LMTK2: variants seen among roughly 807,000 people sequenced by gnomAD.
LMTK2 encodes the protein serine/threonine-protein kinase LMTK2.
In LMTK2, 37 loss-of-function variants were observed where a neutral mutation model predicts 127.5. The ratio of observed to expected loss-of-function variants is 0.29; its 90% CI spans 0.22 to 0.38. The LOEUF (loss-of-function observed/expected upper bound fraction) is 0.38. Ranked by LOEUF, LMTK2 falls within the 10% of genes least tolerant of loss-of-function variation. LMTK2 has a pLI of 1.00. For missense variants in LMTK2, 1,694 were observed against 1,920.3 expected (o/e 0.88, Z 2.20); for synonymous variants, 819 against 810.1 (o/e 1.01, Z -0.19).
chr7:98,203,863 C>T (rs576905030), intron 12 of LMTK2, 81 bp from the exon 13 acceptor site: 2 of 1,587,842 alleles, frequency 1.3e-6, no homozygotes, highest in African/African-American at 2.7e-5. Context: ...TTCCGACCTG[C>T]AGGGCGCACC....
In LMTK2 at chr7:98,192,923, T is replaced by A. The variant is rs1339593751; in HGVS notation, c.2458T>A (p.Phe820Ile). ...SPEVQVPPTSFETEETPRRVP... is the reference protein window; with the variant it reads ...SPEVQVPPTSIETEETPRRVP... ...GGAAGTGCAGGTACCTCCTACCTCC[T>A]TCGAAACAGAAGAAACGCCCCGTCG... Residue 820 changes from phenylalanine (F) to isoleucine (I), a missense_variant, in exon 11 of 14, where the codon TTC (phenylalanine) becomes ATC (isoleucine). By Grantham distance (21) the Phe-to-Ile change is conservative. Transcript: ENST00000297293. 1 of 1,614,138 alleles carries A rather than the reference T, an allele frequency of 6.2e-7. No homozygotes were observed.
intron 7 of LMTK2, among the ~76,000 whole-genome samples, chr7:98,179,094 C>T (rs1284080818): frequency 1.3e-5 from 2 of 152,230 alleles, no homozygotes. Flanking sequence ...TTGCCTTTTC[C>T]CCTGGGAACA....
At chr7:98,197,783 A>G (rs1217295905) in intron 11 of LMTK2, among the ~76,000 whole-genome samples, 1 of 152,226 alleles carries the variant, frequency 6.6e-6, no homozygotes, top group Non-Finnish European at 1.5e-5. Context: ...TTGAGAGTGC[A>G]GTGAGCTATG....
chr7:98,196,968 A>G (rs1481222793), intron 11 of LMTK2, among the ~76,000 whole-genome samples: 10 of 152,230 alleles, frequency 6.6e-5, no homozygotes, highest in Admixed American at 4.6e-4. Flanking sequence ...GTTCAGGCCG[A>G]GGACTGAGGG....
At chr7:98,155,338 T>A (rs1434977298) in intron 5 of LMTK2, among the ~76,000 whole-genome samples, 1 of 152,220 alleles carries the variant, frequency 6.6e-6, no homozygotes, top group Non-Finnish European at 1.5e-5. Flanking sequence ...ATGTCATAGA[T>A]GTCTCAGAAG....
chr7:98,114,538 C>T (rs548233060), intron 1 of LMTK2, among the ~76,000 whole-genome samples: 35 of 152,244 alleles, frequency 2.3e-4, no homozygotes, highest in African/African-American at 8.2e-4. Context: ...AGCCACTGCA[C>T]CTGGGTAGTT....
At chr7:98,163,919 C>T (rs1350584574) in intron 6 of LMTK2, among the ~76,000 whole-genome samples, 3 of 152,234 alleles carry the variant, frequency 2.0e-5, no homozygotes, top group Non-Finnish European at 4.4e-5. Flanking sequence ...GCTATCGCTG[C>T]CTGTCTTAGC....
chr7:98,195,892 A>G (rs1225645346), intron 11 of LMTK2, among the ~76,000 whole-genome samples: 1 of 152,200 alleles, frequency 6.6e-6, no homozygotes, highest in African/African-American at 2.4e-5. Context: ...GTGGATGTTT[A>G]AAAAATGAAA....
rs778003063 is a variant in LMTK2, at chr7:98,193,547, G to A, written c.3082G>A (p.Ala1028Thr). 7 of 1,614,138 alleles carry A rather than the reference G, an allele frequency of 4.3e-6. No homozygotes were observed. In the South Asian group the frequency reaches 7.7e-5, roughly 18 times the overall value. The change falls in exon 11 of 14, where the codon GCA becomes ACA. Residue 1028 changes from alanine (A) to threonine (T), a missense_variant. Physicochemically the swap from Ala to Thr is moderately conservative, Grantham distance 58. Around this residue, in one of 8 missense-constraint regions of LMTK2, gnomAD observed 65 missense variants for 116.5 expected, o/e 0.56. Transcript: ENST00000297293. The surrounding 1 kb of genome is among the most constrained non-coding windows in gnomAD (Gnocchi z 4.1). ...PQKLVPPDKP[A>T]DSGYETENLE... ...GAAACTAGTGCCCCCCGATAAGCCG[G>A]CAGACAGTGGCTACGAAACAGAGAA...
At chr7:98,144,629 A>AT (rs1796743681) in intron 3 of LMTK2, among the ~76,000 whole-genome samples, 1 of 151,726 alleles carries the variant, frequency 6.6e-6, no homozygotes, top group African/African-American at 2.4e-5. Context: ...TAATTTTTTA[A>AT]TTTTTTGTTT....
chr7:98,190,855 G>A lies in LMTK2; in HGVS notation c.1126G>A (p.Glu376Lys). ...CACAAAACTCCCGAAGCCCCAGCTG[G>A]AGCAGCCCTACTCTGATAGATGGTT... is the stretch of plus-strand genomic sequence containing the variant. ...RDTKLPKPQLEQPYSDRWYEV... is the reference protein window; with the variant it reads ...RDTKLPKPQLKQPYSDRWYEV... Residue 376 changes from glutamate (E) to lysine (K), a missense_variant, in exon 10 of 14, where the codon GAG becomes AAG. Transcript: ENST00000297293. The A allele has an allele frequency of 6.2e-7, 1 of 1,614,158 alleles. No homozygotes were observed. Among genetic ancestry groups the A allele is most frequent in the East Asian group, 2.2e-5 (1 of 44,880 alleles).
Position 98,208,510 on chromosome 7 carries a change from G to A in LMTK2, c.*3018G>A, listed in dbSNP as rs1797842806. ...GCATTCTCTAGATAATGTGGGGGAA[G>A]GTTAGAATATTTTCTGGCCTTCTAT... On this transcript the variant is annotated 3_prime_UTR_variant, in exon 14 of 14. Transcript: ENST00000297293. The A allele has an allele frequency of 6.6e-6, 1 of 152,158 alleles. No homozygotes were observed. Among genetic ancestry groups the A allele is most frequent in the Admixed American group, 6.5e-5 (1 of 15,284 alleles). The allele number at this position is 152,158 out of a possible 1,614,324, so 9.4% of individuals were successfully genotyped here. A position where few individuals can be genotyped will look rare whatever the true frequency, so the allele number is the denominator to read the frequency against.
chr7:98,203,315 CG>C (rs1223762657), intron 11 of LMTK2, among the ~76,000 whole-genome samples: 1 of 152,236 alleles, frequency 6.6e-6, no homozygotes, highest in East Asian at 1.9e-4. Context: ...CACTGCCGCT[CG>C]TGCCCGCCTG....
chr7:98,164,855 A>G (rs903698746), intron 6 of LMTK2, among the ~76,000 whole-genome samples: 1 of 152,246 alleles, frequency 6.6e-6, no homozygotes, highest in Non-Finnish European at 1.5e-5. Context: ...CTTATTGGTC[A>G]GCAATTTCTT....
chr7:98,141,381 C>CT lies in LMTK2; in HGVS notation c.232-15dup. On this transcript the variant is annotated splice_polypyrimidine_tract_variant and intron_variant, in intron 2 of 13. Transcript: ENST00000297293. ...GTTAGCCAATGGTTTTTAATGCTTG[C>CT]TCTCTTTCATTTTAGGAATTTGAAG... is the stretch of plus-strand genomic sequence containing the variant. 1 of 1,610,704 alleles carries CT rather than the reference C, an allele frequency of 6.2e-7. No individual in the cohort carries two copies. Among genetic ancestry groups the CT allele is most frequent in the Non-Finnish European group, 8.5e-7 (1 of 1,177,072 alleles).
chr7:98,184,262 T>C (rs1282388119), intron 7 of LMTK2, among the ~76,000 whole-genome samples: 3 of 152,156 alleles, frequency 2.0e-5, no homozygotes, highest in Admixed American at 1.3e-4. Context: ...CCATTTTGCC[T>C]CTTAGTGTGC....
chr7:98,155,776 A>G (rs149910104), intron 5 of LMTK2, among the ~76,000 whole-genome samples: 1 of 151,810 alleles, frequency 6.6e-6, no homozygotes, highest in African/African-American at 2.4e-5. Context: ...CCTTAGAAGA[A>G]TGAGTTTTCT....
intron 5 of LMTK2, among the ~76,000 whole-genome samples, chr7:98,155,709 A>C (rs1315232618): frequency 2.6e-5 from 4 of 151,192 alleles, no homozygotes; most frequent in African/African-American, 7.4e-5. Context: ...ATGAAGGGGA[A>C]TATCAAGACA....
intron 1 of LMTK2, among the ~76,000 whole-genome samples, chr7:98,111,654 A>C (rs1346075593): frequency 6.6e-6 from 1 of 152,344 alleles, no homozygotes; most frequent in African/African-American, 2.4e-5. Context: ...ACCCTCTCAC[A>C]CTAGATTGCT....
Sources: allele counts gnomAD v4.1 joint callset (sites outside exome capture counted in the v4.1 genomes callset), GRCh38; gene constraint gnomAD v4.1.1; regional missense constraint gnomAD v4.1.1; non-coding constraint Gnocchi (gnomAD v3.1); transcripts MANE v1.5; gene names NCBI Gene and HGNC (gene_info 2026-07-23, HGNC 2026-07-21).